The following RUNX1T1 variants were observed in gnomAD, a reference collection of about 807,000 sequenced individuals.
The protein encoded by RUNX1T1 is RUNX1 partner transcriptional co-repressor 1, also known as protein CBFA2T1.
In RUNX1T1, 4 loss-of-function variants were observed where a neutral mutation model predicts 62.8. The observed-to-expected ratio is 0.06, with a 90% confidence interval of 0.03 to 0.15. RUNX1T1 has a LOEUF of 0.15. Ranked by LOEUF, RUNX1T1 falls within the 10% of genes least tolerant of loss-of-function variation. The probability of loss-of-function intolerance (pLI) is 1.00; values close to 1 mark genes in which losing one functional copy is unlikely to be tolerated. For missense variants in RUNX1T1, 508 were observed against 754.3 expected, an observed-to-expected ratio of 0.67 and a Z score of 3.82; for synonymous variants, 291 against 286.0, an observed-to-expected ratio of 1.02 and a Z score of -0.18.
intron 1 of RUNX1T1, chr8:92,081,303 A>G: frequency 5.5e-6 from 5 of 903,422 alleles, no homozygotes; most frequent in Non-Finnish European, 6.6e-6. Flanking sequence ...ACTAGAAAAG[A>G]GGTAGTACCT....
At chr8:92,082,933 T>C (rs1257740269) in intron 1 of RUNX1T1, among the ~76,000 whole-genome samples, 1 of 151,996 alleles carries the variant, frequency 6.6e-6, no homozygotes, top group Non-Finnish European at 1.5e-5. Context: ...AGGGAGACCG[T>C]GGCAACTAAG....
At chr8:92,072,963 T>C (rs1833905067) in intron 2 of RUNX1T1, among the ~76,000 whole-genome samples, 1 of 152,208 alleles carries the variant, frequency 6.6e-6, no homozygotes, top group Non-Finnish European at 1.5e-5. Flanking sequence ...AAATTGATAC[T>C]ACCTATATAT....
chr8:92,021,020 G>A (rs528975927), intron 1 of RUNX1T1, among the ~76,000 whole-genome samples: 33 of 152,134 alleles, frequency 2.2e-4, no homozygotes, highest in Non-Finnish European at 3.8e-4. Flanking sequence ...CAAAAAGGGA[G>A]TTCAAGTATT....
chr8:91,996,758 C>CT (rs996604741), intron 5 of RUNX1T1, among the ~76,000 whole-genome samples: 70 of 146,380 alleles, frequency 4.8e-4, no homozygotes, highest in Middle Eastern at 3.5e-3. Context: ...ATCTCAGGCT[C>CT]TTTTTTTTTT....
At chr8:92,064,670 G>A (rs920033009), upstream of RUNX1T1, among the ~76,000 whole-genome samples, 2 of 151,948 alleles carry the variant, frequency 1.3e-5, no homozygotes, top group African/African-American at 2.4e-5. Flanking sequence ...TTTTCACAGT[G>A]GGAAACCCAA....
downstream of RUNX1T1, chr8:91,955,045 C>T (rs543617558): frequency 4.8e-6 from 1 of 207,394 alleles, no homozygotes; most frequent in East Asian, 7.3e-5. Context: ...CACTCCTTTG[C>T]TCATTTCTTC....
chr8:92,047,871 C>CA (rs1829654186), intron 1 of RUNX1T1, among the ~76,000 whole-genome samples: 1 of 152,156 alleles, frequency 6.6e-6, no homozygotes, highest in Admixed American at 6.5e-5. Context: ...CTTATCTACC[C>CA]ACTTCCTCCA....
intron 1 of RUNX1T1, among the ~76,000 whole-genome samples, chr8:92,084,216 T>C (rs1033238254): frequency 6.9e-6 from 1 of 144,150 alleles, no homozygotes; most frequent in African/African-American, 2.6e-5. Context: ...CTGCACGTTC[T>C]GCACATATAT....
At chr8:92,103,268 G>A, upstream of RUNX1T1, 1 of 237,754 alleles carries the variant, frequency 4.2e-6, no homozygotes. Context: ...CGGCGTCTGC[G>A]TCTCCCTCGC....
At chr8:91,967,641 T>C (rs978779222) in intron 10 of RUNX1T1, among the ~76,000 whole-genome samples, 1 of 152,052 alleles carries the variant, frequency 6.6e-6, no homozygotes, top group Non-Finnish European at 1.5e-5. Context: ...GTATCTAGAG[T>C]TAACACAAAT....
chr8:91,995,693 A>AG (rs747214927), intron 5 of RUNX1T1, among the ~76,000 whole-genome samples: 9 of 152,240 alleles, frequency 5.9e-5, no homozygotes, highest in Non-Finnish European at 1.3e-4. Flanking sequence ...AAGCTGGGGC[A>AG]GGAGGATCAC....
intron 1 of RUNX1T1, among the ~76,000 whole-genome samples, chr8:92,034,762 A>ATATATATACACACG (rs773233617): frequency 1.9e-5 from 2 of 103,936 alleles, no homozygotes; most frequent in Admixed American, 9.3e-5. Flanking sequence ...ATATACACAC[A>ATATATATACACACG]TATACATATA....
chr8:91,985,439 G>A (rs969689237), intron 8 of RUNX1T1, among the ~76,000 whole-genome samples: 11 of 151,782 alleles, frequency 7.2e-5, no homozygotes, highest in Non-Finnish European at 1.3e-4. Context: ...CATTTCTAAG[G>A]CACAACTATA....
chr8:91,960,120 T>C (rs1181434404), exon 11 of RUNX1T1: 3 of 1,039,870 alleles, frequency 2.9e-6, no homozygotes, highest in African/African-American at 3.2e-5. Context: ...GCTGAAGTAC[T>C]GAAATAGGAT....
upstream of RUNX1T1, among the ~76,000 whole-genome samples, chr8:92,101,831 C>T (rs1354946525): frequency 1.3e-5 from 2 of 152,198 alleles, no homozygotes; most frequent in African/African-American, 2.4e-5. Flanking sequence ...CCAGTCAGCG[C>T]CAGGTCCCCC....
intron 1 of RUNX1T1, among the ~76,000 whole-genome samples, chr8:92,076,528 T>C (rs1022872270): frequency 2.6e-5 from 4 of 152,128 alleles, no homozygotes; most frequent in Non-Finnish European, 5.9e-5. Context: ...GACATTATTA[T>C]TTATGGAATT....
chr8:91,959,192 C>T (rs1809843704), exon 11 of RUNX1T1: 1 of 217,366 alleles, frequency 4.6e-6, no homozygotes, highest in Non-Finnish European at 9.3e-6. Flanking sequence ...AATTAAAAAT[C>T]CAAACAGGGT....
intron 1 of RUNX1T1, among the ~76,000 whole-genome samples, chr8:92,026,977 A>G (rs1286804907): frequency 5.0e-5 from 7 of 139,374 alleles, no homozygotes; most frequent in Non-Finnish European, 9.3e-5. Flanking sequence ...TTAGCCGGGC[A>G]TGGTGGCGCG....
At chr8:92,003,440 C>A in intron 5 of RUNX1T1, 1 of 453,176 alleles carries the variant, frequency 2.2e-6, no homozygotes, top group Non-Finnish European at 4.4e-6. Flanking sequence ...GGTTATTTAG[C>A]AGTTCAGAAT....
Sources: gnomAD v4.1 joint callset for allele counts (sites outside exome capture counted in the v4.1 genomes callset) on GRCh38, gnomAD v4.1.1 for gene constraint, MANE v1.5 for transcripts, NCBI Gene and HGNC (gene_info 2026-07-23, HGNC 2026-07-21) for gene names.